The following TMEM114 variants were observed in gnomAD, a reference collection of about 807,000 sequenced individuals.
The protein encoded by TMEM114 is claudin-26.
TMEM114 carries 6 observed loss-of-function variants against 6.2 expected under a neutral mutation model. The ratio of observed to expected loss-of-function variants is 0.97; its 90% CI spans 0.53 to 1.91. The LOEUF is 1.91. TMEM114 is among the 40% of genes most tolerant of loss of function. The pLI, the probability that TMEM114 is intolerant of heterozygous loss-of-function variation, is 0.01. For missense variants in TMEM114, 218 were observed against 158.3 expected (o/e 1.38, Z -2.02); for synonymous variants, 104 against 73.0 (o/e 1.42, Z -2.16).
chr16:8,587,047 T>C lies in TMEM114; in HGVS notation c.301+2166A>G, dbSNP rs906485979. Among the ~76,000 whole-genome samples the C allele has an allele frequency of 4.6e-5, 7 of 152,234 alleles. No homozygotes were observed. The South Asian group carries it at 6.2e-4, about 14-fold the overall frequency. On this transcript the variant is annotated intron_variant, in intron 2 of 3. Transcript: ENST00000620492. The stretch of plus-strand genomic sequence containing the variant: ...GAATTTTGTGAGCCAGGTAACATCA[T>C]GTTGGTGTCTTGAAATTGGCCATGG...
At position 8,589,974 on chromosome 16, in the gene TMEM114, C is replaced by A. The variant is rs1013088825; in HGVS notation, c.-136G>T. On this transcript the variant is annotated 5_prime_UTR_variant, in exon 1 of 4. Coordinates refer to ENST00000620492, the MANE Select transcript of TMEM114 (RefSeq NM_001146336.2). The stretch of plus-strand genomic sequence containing the variant: ...GAGCCGCGGAGCTCAGATCTGAAAG[C>A]CTTTCCTTTGGACCCCGGGCCCTAG... The A allele has an allele frequency of 2.9e-4, 111 of 385,750 alleles. 1 individual carries two copies. Among genetic ancestry groups the A allele is most frequent in the Admixed American group, 2.7e-4 (6 of 22,266 alleles). The allele number at this position is 385,750 out of a possible 1,614,324, so 23.9% of individuals were successfully genotyped here. A position where few individuals can be genotyped will look rare whatever the true frequency, so the allele number is the denominator to read the frequency against.
At chr16:8,566,243 G>A (rs117682095), downstream of TMEM114, among the ~76,000 whole-genome samples, 5,072 of 152,190 alleles carry the variant, frequency 0.033, 131 homozygotes, top group South Asian at 0.11. Flanking sequence ...GGTGCATGGT[G>A]GTGCGTGCCT....
chr16:8,574,965 A>C (rs1901868525), intron 2 of TMEM114, among the ~76,000 whole-genome samples: 1 of 152,148 alleles, frequency 6.6e-6, no homozygotes. Flanking sequence ...GAACATGAAT[A>C]TTGATTCCAA....
intron 2 of TMEM114, among the ~76,000 whole-genome samples, chr16:8,548,849 G>C (rs923287554): frequency 6.6e-6 from 1 of 152,158 alleles, no homozygotes; most frequent in East Asian, 1.9e-4. Flanking sequence ...ATTTAATAAA[G>C]GGAGTGAGAG....
At chr16:8,537,510 C>G (rs947804222), downstream of TMEM114, 1 of 151,910 alleles carries the variant, frequency 6.6e-6, no homozygotes, top group East Asian at 1.9e-4. Flanking sequence ...CAAAAACAAA[C>G]AAACAAACAA....
chr16:8,527,531 G>C, the TMEM114 span, among the ~76,000 whole-genome samples: 1 of 117,622 alleles, frequency 8.5e-6, no homozygotes, highest in Non-Finnish European at 1.8e-5. Flanking sequence ...AAGATTTCTA[G>C]TCTGTAGTAA....
intron 2 of TMEM114, among the ~76,000 whole-genome samples, chr16:8,543,654 C>A (rs1404064761): frequency 1.3e-5 from 2 of 152,090 alleles, no homozygotes; most frequent in East Asian, 3.9e-4. Flanking sequence ...AGGTTTCTGC[C>A]TTGGGCTCCT....
intron 1 of TMEM114, 57 bp from the exon 2 acceptor site, chr16:8,589,350 T>G (rs1440898580): frequency 2.5e-6 from 1 of 398,690 alleles, no homozygotes; most frequent in Non-Finnish European, 4.4e-6. Context: ...TGCAGCACCC[T>G]CGTCTGCGGC....
At chr16:8,560,293 C>T (rs1419219008) in intron 2 of TMEM114, among the ~76,000 whole-genome samples, 2 of 152,010 alleles carry the variant, frequency 1.3e-5, no homozygotes, top group African/African-American at 4.8e-5. Flanking sequence ...GCACTGTGCC[C>T]AGCATGCCCA....
At chr16:8,576,975 G>C (rs748559804) in intron 2 of TMEM114, among the ~76,000 whole-genome samples, 5 of 152,180 alleles carry the variant, frequency 3.3e-5, no homozygotes, top group Admixed American at 6.6e-5. Flanking sequence ...AGAGATGCCA[G>C]GCTAAGTCCA....
At chr16:8,540,307 G>A (rs746221836) in intron 2 of TMEM114, among the ~76,000 whole-genome samples, 23 of 152,142 alleles carry the variant, frequency 1.5e-4, no homozygotes, top group Non-Finnish European at 2.4e-4. Flanking sequence ...GATAGAGGTA[G>A]GAGCTCTGGA....
At chr16:8,562,755 A>G (rs1375698319) in intron 2 of TMEM114, among the ~76,000 whole-genome samples, 2 of 151,484 alleles carry the variant, frequency 1.3e-5, no homozygotes, top group Non-Finnish European at 2.9e-5. Context: ...TAAATGAGTG[A>G]GTGAAGGAGG....
intron 2 of TMEM114, among the ~76,000 whole-genome samples, chr16:8,585,197 C>A (rs1004946580): frequency 5.9e-5 from 9 of 152,108 alleles, no homozygotes; most frequent in African/African-American, 1.9e-4. Flanking sequence ...ATGGGAAAGA[C>A]CTGCCCCAAT....
intron 2 of TMEM114, among the ~76,000 whole-genome samples, chr16:8,539,466 C>T (rs942650790): frequency 2.6e-5 from 4 of 152,206 alleles, no homozygotes; most frequent in African/African-American, 9.7e-5. Flanking sequence ...AGGGCTCTGC[C>T]TCCTGCAAGC....
chr16:8,539,731 C>G (rs1195751878), intron 2 of TMEM114, among the ~76,000 whole-genome samples: 2 of 151,702 alleles, frequency 1.3e-5, no homozygotes, highest in African/African-American at 4.9e-5. Flanking sequence ...TAGCAATATC[C>G]AGATTGTAAC....
chr16:8,532,392 C>G, the TMEM114 span, among the ~76,000 whole-genome samples: 23 of 152,130 alleles, frequency 1.5e-4, no homozygotes, highest in Non-Finnish European at 2.8e-4. Flanking sequence ...ACTCTTTCAA[C>G]ACTAAAACTT....
intron 2 of TMEM114, among the ~76,000 whole-genome samples, chr16:8,545,901 G>T (rs544532674): frequency 6.6e-6 from 1 of 152,244 alleles, no homozygotes; most frequent in East Asian, 1.9e-4. Flanking sequence ...GATTGCTTGA[G>T]CCCAAGAGTT....
chr16:8,552,733 G>A (rs955268175), intron 2 of TMEM114, among the ~76,000 whole-genome samples: 1 of 149,250 alleles, frequency 6.7e-6, no homozygotes, highest in Non-Finnish European at 1.5e-5. Flanking sequence ...CAATGGCTGT[G>A]CTCTAAGGTC....
intron 2 of TMEM114, among the ~76,000 whole-genome samples, chr16:8,547,290 C>G (rs1004562296): frequency 6.6e-6 from 1 of 152,242 alleles, no homozygotes; most frequent in Middle Eastern, 3.4e-3. Flanking sequence ...AGGGGTTAAG[C>G]AAGAACTCTA....
Sources: gnomAD v4.1 joint callset for allele counts (sites outside exome capture counted in the v4.1 genomes callset) on GRCh38, gnomAD v4.1.1 for gene constraint, MANE v1.5 for transcripts, NCBI Gene and HGNC (gene_info 2026-07-23, HGNC 2026-07-21) for gene names.